The following DNAJB1 variants were observed in gnomAD, a reference collection of about 807,000 sequenced individuals.
DNAJB1 encodes dnaJ homolog subfamily B member 1.
In DNAJB1, 14 loss-of-function variants were observed where a neutral mutation model predicts 24.0. The ratio of observed to expected loss-of-function variants is 0.58; its 90% CI spans 0.39 to 0.91. The LOEUF (loss-of-function observed/expected upper bound fraction) is 0.91, where lower values mean the gene tolerates loss of function less well. DNAJB1 is among the 40% of genes least tolerant of loss of function. DNAJB1 has a pLI of 0.00. For synonymous variants in DNAJB1, 262 were observed against 174.4 expected (o/e 1.50, Z -3.96); for missense variants, 517 against 458.1 (o/e 1.13, Z -1.17).
chr19:14,558,672 C>T (rs1423435327), intron 1 of DNAJB1, among the ~76,000 whole-genome samples: 1 of 152,288 alleles, frequency 6.6e-6, no homozygotes. Flanking sequence ...GTGGTCTCAC[C>T]CCTTGCCCGT....
upstream of DNAJB1, chr19:14,518,431 C>G: frequency 8.4e-7 from 1 of 1,192,262 alleles, no homozygotes; most frequent in Non-Finnish European, 1.1e-6. Flanking sequence ...ATATACCCGT[C>G]CGGCGGAAGC....
intron 1 of DNAJB1, among the ~76,000 whole-genome samples, chr19:14,548,886 C>T (rs1000646195): frequency 6.6e-6 from 1 of 152,064 alleles, no homozygotes; most frequent in African/African-American, 2.4e-5. Flanking sequence ...TCTCAGACAT[C>T]TCAGCAGCAG....
At chr19:14,545,685 G>C (rs1421721504) in intron 1 of DNAJB1, 2 of 168,728 alleles carry the variant, frequency 1.2e-5, no homozygotes, top group East Asian at 3.3e-4. Flanking sequence ...TGCATGGCGA[G>C]TGCAAACTGC....
At chr19:14,545,979 G>C (rs1310687652) in intron 1 of DNAJB1, 1 of 152,188 alleles carries the variant, frequency 6.6e-6, no homozygotes, top group Non-Finnish European at 1.5e-5. Context: ...AGAGCCCCCA[G>C]GACATGGCTG....
intron 1 of DNAJB1, chr19:14,529,108 T>C (rs2072511113): frequency 1.2e-5 from 2 of 161,028 alleles, no homozygotes; most frequent in South Asian, 1.4e-4. Context: ...CACTCAAGAG[T>C]CTCCTCCCAT....
chr19:14,546,284 C>G (rs1489407068), intron 1 of DNAJB1, among the ~76,000 whole-genome samples: 1 of 147,362 alleles, frequency 6.8e-6, no homozygotes, highest in Non-Finnish European at 1.5e-5. Flanking sequence ...TTTTTTTTTG[C>G]TCTGAGAAAA....
upstream of DNAJB1, among the ~76,000 whole-genome samples, chr19:14,533,213 G>T (rs1253649028): frequency 6.6e-6 from 1 of 152,110 alleles, no homozygotes; most frequent in African/African-American, 2.4e-5. Flanking sequence ...GTGAGGTCAG[G>T]AGTTTGAGAC....
At chr19:14,527,088 C>G (rs899080101) in intron 2 of DNAJB1, among the ~76,000 whole-genome samples, 1 of 149,688 alleles carries the variant, frequency 6.7e-6, no homozygotes, top group African/African-American at 2.5e-5. Flanking sequence ...CCCCAGCACC[C>G]AAGAAGGGCA....
chr19:14,556,900 C>A (rs2073747099), intron 1 of DNAJB1, among the ~76,000 whole-genome samples: 1 of 152,090 alleles, frequency 6.6e-6, no homozygotes, highest in Non-Finnish European at 1.5e-5. Flanking sequence ...TCAGCTCGGC[C>A]TCTGCACCGA....
upstream of DNAJB1, among the ~76,000 whole-genome samples, chr19:14,533,021 G>A (rs1242741220): frequency 6.6e-6 from 1 of 152,216 alleles, no homozygotes; most frequent in South Asian, 2.1e-4. Context: ...GCTGAGGAAT[G>A]AGAATCACTT....
In DNAJB1 at chr19:14,557,114, CTTATTTAT is replaced by C. The variant is rs3050003; in HGVS notation, c.-2165-2804_-2165-2797del. ...GCTGTTCTGCTAGTGTTGGTCTAAT[CTTATTTAT>C]TTATTTATTTATTTATTTATTTATT... On this transcript the variant is annotated intron_variant, in intron 1 of 5. Coordinates refer to the DNAJB1 transcript ENST00000679223. Among the ~76,000 whole-genome samples the C allele has an allele frequency of 2.3e-3, 320 of 140,446 alleles. 1 individual carries two copies. Among genetic ancestry groups the C allele is most frequent in the Middle Eastern group, 3.5e-3 (1 of 286 alleles). The allele number at this position is 140,446 out of a possible 152,430, so 92.1% of individuals were successfully genotyped here.
At chr19:14,528,030 C>T (rs1047257424) in intron 1 of DNAJB1, among the ~76,000 whole-genome samples, 5 of 150,032 alleles carry the variant, frequency 3.3e-5, no homozygotes, top group South Asian at 2.1e-4. Flanking sequence ...ATTACAGGTG[C>T]CCACCATTAC....
At chr19:14,551,895 TTC>T (rs140348006), upstream of DNAJB1, among the ~76,000 whole-genome samples, 2,116 of 145,146 alleles carry the variant, frequency 0.015, 23 homozygotes, top group Non-Finnish European at 0.024. Context: ...TTTCTTTCCT[TTC>T]TCTCTCTCTC....
intron 1 of DNAJB1, among the ~76,000 whole-genome samples, chr19:14,543,040 C>T (rs1402826400): frequency 1.1e-4 from 11 of 100,852 alleles, no homozygotes; most frequent in Admixed American, 9.7e-4. Context: ...CTGGCCAGAG[C>T]GTGGGATCTG....
chr19:14,545,104 C>T lies in DNAJB1; in HGVS notation c.-214+5104G>A, dbSNP rs540078878. On this transcript the variant is annotated intron_variant, in intron 1 of 3. Transcript: ENST00000676982. ...CCACATTTGCTCCCTTACTGTTCCT[C>T]TGTCCCCAGCAGAGAGATGATTCTT... 369 of 456,764 alleles carry T rather than the reference C, an allele frequency of 8.1e-4. 2 individuals are homozygous for T. The highest frequency in any genetic ancestry group is 7.8e-3 in the Middle Eastern group (24 of 3,076). 28.3% of individuals were successfully genotyped at this position (456,764 alleles called of 1,614,324 possible).
Position 14,518,264 on chromosome 19 carries a change from A to T in DNAJB1, c.86T>A (p.Leu29Gln). 6.2e-7 allele frequency: 1 copy of T among 1,608,128 alleles called. No individual in the cohort carries two copies. Among genetic ancestry groups the T allele is most frequent in the South Asian group, 1.1e-5 (1 of 90,506 alleles). ...CTTGTTCTTGTCCGGGTGGTAGCGC[A>T]GCGCCTGGCGGCGGTAGGCCCGCTT... ...EIKRAYRRQA[L>Q]RYHPDKNKEP... Residue 29 changes from leucine (L) to glutamine (Q), a missense_variant, in exon 1 of 3, where the codon CTG becomes CAG. Transcript: ENST00000254322.
chr19:14,518,500 G>A (rs1180046296), upstream of DNAJB1: 12 of 550,186 alleles, frequency 2.2e-5, no homozygotes, highest in Non-Finnish European at 3.3e-5. Flanking sequence ...CGCGGCGCCG[G>A]CCAATCGCCG....
chr19:14,550,982 C>G (rs2073480800), upstream of DNAJB1, among the ~76,000 whole-genome samples: 1 of 150,898 alleles, frequency 6.6e-6, no homozygotes, highest in African/African-American at 2.4e-5. Flanking sequence ...GCTCCTTTTA[C>G]TTATGAGGAC....
upstream of DNAJB1, among the ~76,000 whole-genome samples, chr19:14,552,261 C>T (rs540680837): frequency 4.0e-4 from 60 of 150,244 alleles, 2 homozygotes; most frequent in South Asian, 8.2e-3. Context: ...CTTGACCTCC[C>T]GGGCTCAAGC....
Sources: allele counts gnomAD v4.1 joint callset (sites outside exome capture counted in the v4.1 genomes callset), GRCh38; gene constraint gnomAD v4.1.1; transcripts MANE v1.5; gene names NCBI Gene and HGNC (gene_info 2026-07-23, HGNC 2026-07-21).